Variants in EXOC6B observed in about 807,000 individuals in gnomAD.
EXOC6B encodes the protein exocyst complex component 6B.
EXOC6B carries 54 observed loss-of-function variants against 113.5 expected under a neutral mutation model. That is an observed-to-expected ratio of 0.48 (90% CI 0.38 to 0.60). The LOEUF (loss-of-function observed/expected upper bound fraction) is 0.60, where lower values mean the gene tolerates loss of function less well. Ranked by LOEUF, EXOC6B falls within the 20% of genes least tolerant of loss-of-function variation. The pLI is 0.00. For missense variants in EXOC6B, 797 were observed against 977.5 expected (o/e 0.82, Z 2.46); for synonymous variants, 357 against 339.0 (o/e 1.05, Z -0.58).
At chr2:72,807,795 G>A (rs1685660907) in intron 1 of EXOC6B, among the ~76,000 whole-genome samples, 2 of 151,858 alleles carry the variant, frequency 1.3e-5, no homozygotes, top group Admixed American at 1.3e-4. Context: ...CAGAGGCTGG[G>A]AAGGGTAATA....
At position 72,825,938 on chromosome 2, in the gene EXOC6B, C is replaced by A. The variant is rs199594265; in HGVS notation, c.-28G>T. ...ACTGGGGGCGCCCCGCAGCGCGTCC[C>A]CTCCGTCGGCTCGGCTCACCTTTTC... On this transcript the variant is annotated 5_prime_UTR_variant, in exon 1 of 22. Transcript: ENST00000272427. This position sits in a 1 kb window ranked among gnomAD's most constrained non-coding sequence, Gnocchi z 4.4. The A allele has an allele frequency of 1.1e-5, 17 of 1,608,652 alleles. No individual in the cohort carries two copies. Among genetic ancestry groups the A allele is most frequent in the Admixed American group, 3.3e-5 (2 of 59,946 alleles).
rs964348041 is a variant in EXOC6B, at chr2:72,264,616, C to A, written c.2196+70331G>T. Among the ~76,000 whole-genome samples the A allele has an allele frequency of 4.6e-5, 7 of 151,580 alleles. No individual in the cohort carries two copies. The East Asian group carries it at 1.4e-3, about 30-fold the overall frequency. The stretch of plus-strand genomic sequence containing the variant: ...CAACATATACCTTGATATGGTTTGG[C>A]TCTATGTCCCCACCAAGATCTCACT... On this transcript the variant is annotated intron_variant, in intron 20 of 21. Transcript: ENST00000272427.
At chr2:72,431,412 A>C (rs1695510047) in intron 18 of EXOC6B, among the ~76,000 whole-genome samples, 1 of 152,100 alleles carries the variant, frequency 6.6e-6, no homozygotes, top group African/African-American at 2.4e-5. Context: ...CTTGGGCTAA[A>C]GCAATCTTCC....
At chr2:72,348,526 T>C (rs1689463344) in intron 19 of EXOC6B, among the ~76,000 whole-genome samples, 3 of 152,216 alleles carry the variant, frequency 2.0e-5, no homozygotes, top group Admixed American at 2.0e-4. Flanking sequence ...TGCTTTCTTA[T>C]ATCTAATTTA....
chr2:72,539,747 T>C (rs1342063303), intron 8 of EXOC6B, among the ~76,000 whole-genome samples: 3 of 132,886 alleles, frequency 2.3e-5, no homozygotes, highest in African/African-American at 8.0e-5. Context: ...TGTGTGTGTG[T>C]GTGCGCGCGC....
intron 13 of EXOC6B, 40 bp downstream of exon 13, chr2:72,498,414 A>G: frequency 7.1e-7 from 1 of 1,398,856 alleles, no homozygotes; most frequent in South Asian, 1.2e-5. Flanking sequence ...ACACTAATGT[A>G]CATGAACACA....
chr2:72,386,653 T>G (rs1451083475), intron 18 of EXOC6B, among the ~76,000 whole-genome samples: 1 of 152,194 alleles, frequency 6.6e-6, no homozygotes, highest in Non-Finnish European at 1.5e-5. Flanking sequence ...CTTGGCAGCT[T>G]TCATGTGTTA....
chr2:72,499,946 C>G lies in EXOC6B; in HGVS notation c.1194G>C (p.Val398=), dbSNP rs373809436. 1 of 1,552,870 alleles carries G rather than the reference C, an allele frequency of 6.4e-7. No individual in the cohort carries two copies. ...HSSYCSDPNL[V]LDLKNLIVLF... is the part of the protein sequence containing the mutation. The stretch of plus-strand genomic sequence containing the variant: ...GCACAATGAGGTTCTTCAAATCTAA[C>G]ACAAGGTTTGGATCAGAACAGTAAG... Residue 398 remains valine (V), a synonymous_variant, in exon 12 of 22, where the codon GTG becomes GTC. Transcript: ENST00000272427.
intron 18 of EXOC6B, among the ~76,000 whole-genome samples, chr2:72,451,740 C>T (rs1696933468): frequency 6.6e-6 from 1 of 150,696 alleles, no homozygotes; most frequent in East Asian, 1.9e-4. Context: ...AGAGAGTGGA[C>T]TTCATCTATC....
At chr2:72,515,447 T>A in intron 8 of EXOC6B, 2 of 1,105,840 alleles carry the variant, frequency 1.8e-6, no homozygotes. Context: ...TTTCCATAAG[T>A]TATGATAACA....
At chr2:72,381,415 A>C (rs1691670489) in intron 18 of EXOC6B, among the ~76,000 whole-genome samples, 1 of 152,100 alleles carries the variant, frequency 6.6e-6, no homozygotes, top group Admixed American at 6.6e-5. Context: ...TTATAAACAG[A>C]GTAAGTCAGT....
chr2:72,394,044 A>T (rs1692564565), intron 18 of EXOC6B, among the ~76,000 whole-genome samples: 1 of 152,236 alleles, frequency 6.6e-6, no homozygotes, highest in African/African-American at 2.4e-5. Flanking sequence ...GCCAAACAGA[A>T]TTATTATAAT....
chr2:72,498,797 T>A (rs1700175334), intron 12 of EXOC6B, among the ~76,000 whole-genome samples: 1 of 152,098 alleles, frequency 6.6e-6, no homozygotes, highest in Admixed American at 6.6e-5. Context: ...AATTAAAATC[T>A]ATATATAAAG....
chr2:72,520,039 T>G lies in EXOC6B; in HGVS notation c.916-4913A>C, dbSNP rs141956848. ...TACTACTCAGCTTAAAATGGAAAATTTTCCCTAACACATAACCCTTTTAAT... is the reference window on the plus strand; with the variant it reads ...TACTACTCAGCTTAAAATGGAAAATGTTCCCTAACACATAACCCTTTTAAT... On this transcript the variant is annotated intron_variant, in intron 8 of 21. Coordinates refer to ENST00000272427, the MANE Select transcript of EXOC6B (RefSeq NM_015189.3). 1.1e-3 allele frequency among the ~76,000 whole-genome samples: 172 copies of G among 152,224 alleles called. 6 individuals carry two copies. In the East Asian group the frequency reaches 0.028, roughly 25 times the overall value.
Position 72,279,767 on chromosome 2 carries a change from C to T in EXOC6B, c.2196+55180G>A, listed in dbSNP as rs559635992. 7.9e-5 allele frequency among the ~76,000 whole-genome samples: 12 copies of T among 152,094 alleles called. No individual in the cohort carries two copies. In the East Asian group the frequency reaches 2.3e-3, roughly 29 times the overall value. ...TAGCTGGGACTACAGACATGCACAA[C>T]CATACCCAGCTAATAATATTTGGGT... On this transcript the variant is annotated intron_variant, in intron 20 of 21. Coordinates refer to ENST00000272427, the MANE Select transcript of EXOC6B (RefSeq NM_015189.3).
At position 72,825,958 on chromosome 2, in the gene EXOC6B, C is replaced by A; in HGVS notation, c.-48G>T. The A allele has an allele frequency of 6.3e-7, 1 of 1,599,520 alleles. No homozygotes were observed. Among genetic ancestry groups the A allele is most frequent in the Middle Eastern group, 1.7e-4 (1 of 6,034 alleles). On this transcript the variant is annotated 5_prime_UTR_variant, in exon 1 of 22. The change creates a new upstream start codon in the 5' untranslated region. Transcript: ENST00000272427. This position sits in a 1 kb window ranked among gnomAD's most constrained non-coding sequence, Gnocchi z 4.4. ...CGTCCCCTCCGTCGGCTCGGCTCAC[C>A]TTTTCCCTGCCCCACAATGCCGCTC... is the stretch of plus-strand genomic sequence containing the variant.
At chr2:72,733,408 CAA>C (rs1680764060) in intron 2 of EXOC6B, among the ~76,000 whole-genome samples, 2 of 151,602 alleles carry the variant, frequency 1.3e-5, no homozygotes, top group African/African-American at 4.8e-5. Flanking sequence ...TTTGGGGAGA[CAA>C]GAGGAAAAAG....
At chr2:72,465,538 T>C (rs1440883404) in intron 17 of EXOC6B, among the ~76,000 whole-genome samples, 199 bp from the exon 18 acceptor site, 1 of 152,172 alleles carries the variant, frequency 6.6e-6, no homozygotes, top group Non-Finnish European at 1.5e-5. Flanking sequence ...TTTGTTTGCA[T>C]CCTAAGAGAT....
At chr2:72,633,205 C>T (rs760872223) in intron 6 of EXOC6B, among the ~76,000 whole-genome samples, 4 of 152,162 alleles carry the variant, frequency 2.6e-5, no homozygotes, top group African/African-American at 7.2e-5. Flanking sequence ...GGTGGAGGCA[C>T]GAGGATTCCA....
Sources: gnomAD v4.1 joint callset for allele counts (sites outside exome capture counted in the v4.1 genomes callset) on GRCh38, gnomAD v4.1.1 for gene constraint, Gnocchi (gnomAD v3.1) non-coding constraint, MANE v1.5 for transcripts, NCBI Gene and HGNC (gene_info 2026-07-23, HGNC 2026-07-21) for gene names.